TTC22: variants seen among roughly 807,000 people sequenced by gnomAD.
TTC22 encodes the protein tetratricopeptide repeat protein 22.
Under a neutral mutation model 48.2 loss-of-function variants are expected in TTC22, and 42 were observed. The ratio of observed to expected loss-of-function variants is 0.87; its 90% CI spans 0.68 to 1.13. The LOEUF (loss-of-function observed/expected upper bound fraction) is 1.13. Among genes scored for constraint, TTC22 ranks in the 50% most tolerant of loss-of-function variants. The pLI is 0.00. For missense variants in TTC22, 784 were observed against 807.0 expected (o/e 0.97, Z 0.34); for synonymous variants, 345 against 365.5 (o/e 0.94, Z 0.64).
At chr1:54,782,866 T>C (rs2101439101) in intron 5 of TTC22, among the ~76,000 whole-genome samples, 1 of 152,296 alleles carries the variant, frequency 6.6e-6, no homozygotes, top group South Asian at 2.1e-4. Flanking sequence ...AGGCAGTCAA[T>C]AGTAAACAGT....
At chr1:54,798,665 T>C (rs1397200634) in intron 1 of TTC22, among the ~76,000 whole-genome samples, 1 of 152,214 alleles carries the variant, frequency 6.6e-6, no homozygotes, top group Non-Finnish European at 1.5e-5. Flanking sequence ...GCTTCTCCTT[T>C]TGTTCAAGGG....
chr1:54,787,556 G>A, intron 3 of TTC22, 155 bp downstream of exon 3: 2 of 644,998 alleles, frequency 3.1e-6, no homozygotes, highest in Non-Finnish European at 2.8e-6. Flanking sequence ...AAGGTATGTG[G>A]GCTCCTTGAG....
intron 1 of TTC22, among the ~76,000 whole-genome samples, chr1:54,789,461 G>T (rs914573444): frequency 1.3e-5 from 2 of 152,236 alleles, no homozygotes; most frequent in Admixed American, 1.3e-4. Flanking sequence ...AGCAGGTTAG[G>T]TGTGGCTGCT....
At chr1:54,800,424 A>C (rs1211872414) in intron 1 of TTC22, among the ~76,000 whole-genome samples, 173 bp downstream of exon 1, 1 of 152,082 alleles carries the variant, frequency 6.6e-6, no homozygotes, top group Non-Finnish European at 1.5e-5. Flanking sequence ...CCCAGGAGAG[A>C]GCTACAGGCC....
At chr1:54,782,223 T>G (rs1570103855) in intron 6 of TTC22, 102 bp downstream of exon 6, 2 of 1,221,962 alleles carry the variant, frequency 1.6e-6, no homozygotes, top group Non-Finnish European at 1.1e-6. Context: ...TATCAGGGAG[T>G]GAAACTTTTT....
At chr1:54,797,065 A>G (rs1398460747) in intron 1 of TTC22, among the ~76,000 whole-genome samples, 3 of 152,200 alleles carry the variant, frequency 2.0e-5, no homozygotes, top group Non-Finnish European at 2.9e-5. Context: ...CAATCCTCAC[A>G]GGAATCATGT....
rs992892193 is a variant in TTC22, at chr1:54,782,547, T to C, written c.1021-70A>G. On this transcript the variant is annotated intron_variant, in intron 5 of 6. Transcript: ENST00000371276. ...CCTCTGCCTTCCTCTCTGCTCTAAATGAACCCAGTCTTTTTTTCAACAGCA... is the reference window on the plus strand; with the variant it reads ...CCTCTGCCTTCCTCTCTGCTCTAAACGAACCCAGTCTTTTTTTCAACAGCA... 9 of 1,424,188 alleles carry C rather than the reference T, an allele frequency of 6.3e-6. No individual in the cohort carries two copies. In the African/African-American group the frequency reaches 1.3e-4, roughly 21 times the overall value. The allele number at this position is 1,424,188 out of a possible 1,614,324, so 88.2% of individuals were successfully genotyped here. A position where few individuals can be genotyped will look rare whatever the true frequency, so the allele number is the denominator to read the frequency against.
In TTC22 at chr1:54,800,923, C is replaced by T. The variant is rs781680894; in HGVS notation, c.241G>A (p.Glu81Lys). 2 of 1,609,468 alleles carry T rather than the reference C, an allele frequency of 1.2e-6. No homozygotes were observed. Among genetic ancestry groups the T allele is most frequent in the Admixed American group, 1.7e-5 (1 of 59,902 alleles). The change falls in exon 1 of 7, where the codon GAG becomes AAG. Residue 81 changes from glutamate to lysine, a missense_variant. Coordinates refer to ENST00000371276, the MANE Select transcript of TTC22 (RefSeq NM_001114108.2). The stretch of plus-strand genomic sequence containing the variant: ...AAGCACTCGCGGGCCTCGTCCAGCT[C>T]CTCCAGGTAGAATGCGAAAGCGCCC... ...LLGAFAFYLE[E>K]LDEARECFLE...
intron 1 of TTC22, among the ~76,000 whole-genome samples, chr1:54,798,411 G>A (rs1205807167): frequency 6.6e-6 from 1 of 152,208 alleles, no homozygotes; most frequent in Non-Finnish European, 1.5e-5. Context: ...GGTCACTGTT[G>A]ATACCAACCT....
Position 54,786,956 on chromosome 1 carries a change from C to A in TTC22, c.858+1G>T, listed in dbSNP as rs1646306065. 6.8e-7 allele frequency: 1 copy of A among 1,480,272 alleles called. No individual in the cohort carries two copies. The highest frequency in any genetic ancestry group is 2.1e-5 in the Admixed American group (1 of 46,812). The allele number at this position is 1,480,272 out of a possible 1,614,324, so 91.7% of individuals were successfully genotyped here. A position where few individuals can be genotyped will look rare whatever the true frequency, so the allele number is the denominator to read the frequency against. ...GGGTGGGTGTGGCTGGGGGCAAGTA[C>A]CTTGCCGAAGCAGTCTAGAGGGTCG... On this transcript the variant is annotated splice_donor_variant, in intron 4 of 6. Transcript: ENST00000371276. LOFTEE classifies it high-confidence loss of function.
At chr1:54,784,884 G>GAGCC in intron 5 of TTC22, 1 of 1,059,522 alleles carries the variant, frequency 9.4e-7, no homozygotes, top group Non-Finnish European at 1.3e-6. Flanking sequence ...AAGCTAGCAG[G>GAGCC]AGGCAGAACT....
At chr1:54,786,879 G>A in intron 4 of TTC22, 78 bp downstream of exon 4, 1 of 667,682 alleles carries the variant, frequency 1.5e-6, no homozygotes, top group Non-Finnish European at 2.4e-6. Context: ...ACCCAGAGAA[G>A]CCTGGGTTCT....
chr1:54,784,898 C>G, intron 5 of TTC22: 1 of 871,088 alleles, frequency 1.1e-6, no homozygotes, highest in African/African-American at 1.8e-5. Context: ...CAGAACTCAC[C>G]TAAGTGTGTA....
At chr1:54,798,244 C>G (rs2101474498) in intron 1 of TTC22, among the ~76,000 whole-genome samples, 2 of 152,340 alleles carry the variant, frequency 1.3e-5, no homozygotes, top group Middle Eastern at 6.8e-3. Context: ...GCACTCAAGC[C>G]CCCGTGCTCT....
rs902812813 is a variant in TTC22 at position 54,780,810 on chromosome 1, C to A, written c.*433G>T. 6.4e-6 allele frequency: 1 copy of A among 155,274 alleles called. No homozygotes were observed. Among genetic ancestry groups the A allele is most frequent in the Non-Finnish European group, 1.4e-5 (1 of 70,284 alleles). 9.6% of individuals were successfully genotyped at this position (155,274 alleles called of 1,614,324 possible). A position where few individuals can be genotyped will look rare whatever the true frequency, so the allele number is the denominator to read the frequency against. ...CCACACTCCAGTCAACTAAAGTAAA[C>A]GGGGCTTTCTCATAAGGATAGAGTG... On this transcript the variant is annotated 3_prime_UTR_variant, in exon 7 of 7. Transcript: ENST00000371276.
rs1457259373 is a variant in TTC22 at position 54,788,070 on chromosome 1, A to G, written c.595T>C (p.Tyr199His). The change falls in exon 2 of 7, where the codon TAT (tyrosine) becomes CAT (histidine). Residue 199 changes from tyrosine to histidine, a missense_variant. Tyr to His is a moderately conservative substitution (Grantham distance 83, BLOSUM62 2). Coordinates refer to ENST00000371276, the MANE Select transcript of TTC22 (RefSeq NM_001114108.2). Reference sequence around the variant, plus strand: ...ATGTAGAGTGTTGCCATGGTGAAATACCAGCCCCTTTTCTCCTCCATCGGG... The same window carrying G: ...ATGTAGAGTGTTGCCATGGTGAAATGCCAGCCCCTTTTCTCCTCCATCGGG... ...QIPMEEKRGWYFTMATLYIRL... is the reference protein window; with the variant it reads ...QIPMEEKRGWHFTMATLYIRL... 1.2e-6 allele frequency: 2 copies of G among 1,613,876 alleles called. No individual in the cohort carries two copies. The highest frequency in any genetic ancestry group is 1.7e-6 in the Non-Finnish European group (2 of 1,179,938).
At position 54,786,152 on chromosome 1, in the gene TTC22, A is replaced by G. The variant is rs758678060; in HGVS notation, c.859-8T>C. 2 of 1,613,508 alleles carry G rather than the reference A, an allele frequency of 1.2e-6. No individual in the cohort carries two copies. The highest frequency in any genetic ancestry group is 1.7e-6 in the Non-Finnish European group (2 of 1,179,600). Reference sequence around the variant, plus strand: ...CTTGGCAATCTCAATGGCCTAGGTAAGGGAGGAGTGCAAAAACAAACCACT... The same window carrying G: ...CTTGGCAATCTCAATGGCCTAGGTAGGGGAGGAGTGCAAAAACAAACCACT... On this transcript the variant is annotated splice_polypyrimidine_tract_variant and splice_region_variant and intron_variant, in intron 4 of 6. Transcript: ENST00000371276.
At chr1:54,782,638 G>A (rs1646271990) in intron 5 of TTC22, among the ~76,000 whole-genome samples, 161 bp from the exon 6 acceptor site, 2 of 152,182 alleles carry the variant, frequency 1.3e-5, no homozygotes, top group Non-Finnish European at 2.9e-5. Flanking sequence ...CTAGGTCCTA[G>A]CCTTGGACCA....
intron 1 of TTC22, among the ~76,000 whole-genome samples, chr1:54,796,191 C>T (rs574653312): frequency 3.3e-5 from 5 of 152,336 alleles, no homozygotes; most frequent in African/African-American, 7.2e-5. Context: ...TGTGTCTGTG[C>T]GCGTGCGCAC....
Sources: gnomAD v4.1 joint callset for allele counts (sites outside exome capture counted in the v4.1 genomes callset) on GRCh38, gnomAD v4.1.1 for gene constraint, MANE v1.5 for transcripts, NCBI Gene and HGNC (gene_info 2026-07-23, HGNC 2026-07-21) for gene names.